Variants in RBFOX1 observed in about 807,000 individuals in gnomAD.
RBFOX1 encodes the protein RNA binding fox-1 homolog 1, also known as RNA binding protein fox-1 homolog 1.
A neutral mutation model predicts 57.7 loss-of-function variants in RBFOX1; 8 were observed. The observed-to-expected ratio is 0.14, with a 90% confidence interval of 0.08 to 0.25. RBFOX1 has a LOEUF of 0.25. Among genes scored for constraint, RBFOX1 ranks in the 10% least tolerant of loss-of-function variants. RBFOX1 has a pLI of 1.00. For synonymous variants in RBFOX1, 326 were observed against 222.4 expected (o/e 1.47, Z -4.15); for missense variants, 611 against 548.5 (o/e 1.11, Z -1.14).
intron 2 of RBFOX1, among the ~76,000 whole-genome samples, chr16:6,342,447 G>C (rs1252366286): frequency 6.6e-6 from 1 of 152,112 alleles, no homozygotes; most frequent in Non-Finnish European, 1.5e-5. Flanking sequence ...GCTTAGCATA[G>C]ACTAGCCCAT....
At chr16:5,351,648 G>A (rs2065264649) in intron 1 of RBFOX1, among the ~76,000 whole-genome samples, 1 of 152,202 alleles carries the variant, frequency 6.6e-6, no homozygotes, top group South Asian at 2.1e-4. Context: ...CAATGCCTGT[G>A]AGCTTAGGAA....
chr16:7,057,614 C>A (rs1183826060), intron 4 of RBFOX1, among the ~76,000 whole-genome samples: 4 of 152,170 alleles, frequency 2.6e-5, no homozygotes, highest in Non-Finnish European at 4.4e-5. Flanking sequence ...CCAGTTGGAT[C>A]TGTCCAGGGA....
At chr16:5,550,045 G>T (rs576878870) in intron 2 of RBFOX1, among the ~76,000 whole-genome samples, 1 of 152,194 alleles carries the variant, frequency 6.6e-6, no homozygotes, top group Non-Finnish European at 1.5e-5. Flanking sequence ...ACTGTTTCTC[G>T]CAGATGAAAT....
At chr16:6,679,886 T>G (rs1475284115) in intron 3 of RBFOX1, among the ~76,000 whole-genome samples, 35 of 41,660 alleles carry the variant, frequency 8.4e-4, no homozygotes, top group African/African-American at 1.6e-3. Context: ...TTGTTTTTTT[T>G]TTTTTTTTTT....
intron 4 of RBFOX1, among the ~76,000 whole-genome samples, chr16:7,385,025 A>G (rs2148141406): frequency 6.6e-6 from 1 of 152,338 alleles, no homozygotes. Context: ...GAGAAAGAAC[A>G]TTCCAGGAAA....
intron 2 of RBFOX1, among the ~76,000 whole-genome samples, chr16:6,431,545 A>T (rs932225522): frequency 6.6e-6 from 1 of 152,016 alleles, no homozygotes; most frequent in African/African-American, 2.4e-5. Flanking sequence ...CAAGCAGATA[A>T]AACAGGGGCT....
intron 14 of RBFOX1, among the ~76,000 whole-genome samples, chr16:7,687,138 C>G (rs537953016): frequency 3.9e-5 from 6 of 151,998 alleles, no homozygotes; most frequent in South Asian, 2.1e-4. Context: ...GGTTACTTGT[C>G]TGTGTATACC....
intron 4 of RBFOX1, among the ~76,000 whole-genome samples, chr16:7,287,464 T>C (rs1222989254): frequency 6.6e-6 from 1 of 152,164 alleles, no homozygotes; most frequent in African/African-American, 2.4e-5. Flanking sequence ...AGCGAGTAGG[T>C]GCAAGCTGAT....
intron 3 of RBFOX1, among the ~76,000 whole-genome samples, chr16:6,930,450 C>T (rs2076317785): frequency 6.6e-6 from 1 of 152,140 alleles, no homozygotes; most frequent in Non-Finnish European, 1.5e-5. Context: ...CACTCTGTCA[C>T]CCAGGCTGGA....
intron 1 of RBFOX1, among the ~76,000 whole-genome samples, chr16:6,154,548 G>A (rs762353892): frequency 7.2e-5 from 11 of 152,184 alleles, no homozygotes; most frequent in Non-Finnish European, 8.8e-5. Context: ...GGAGCCAGCG[G>A]TGATGAGGAT....
intron 3 of RBFOX1, among the ~76,000 whole-genome samples, chr16:5,832,884 T>C (rs559009755): frequency 3.3e-5 from 5 of 151,960 alleles, no homozygotes; most frequent in Admixed American, 2.6e-4. Context: ...AATGATAAGG[T>C]TAAAGGGTCC....
At chr16:7,610,118 C>CTTTTTTTT (rs34468596) in intron 10 of RBFOX1, among the ~76,000 whole-genome samples, 3 of 65,622 alleles carry the variant, frequency 4.6e-5, no homozygotes, top group African/African-American at 2.4e-4. Flanking sequence ...GCCCGGCCCC[C>CTTTTTTTT]TTTTTTTTTT....
chr16:6,970,354 G>C (rs768879026), intron 3 of RBFOX1, among the ~76,000 whole-genome samples: 39 of 152,148 alleles, frequency 2.6e-4, no homozygotes, highest in Non-Finnish European at 3.8e-4. Flanking sequence ...ACTTAGGTTT[G>C]TCTTTTCTCA....
At chr16:6,729,095 G>T (rs1401465512) in intron 3 of RBFOX1, among the ~76,000 whole-genome samples, 1 of 152,100 alleles carries the variant, frequency 6.6e-6, no homozygotes, top group Non-Finnish European at 1.5e-5. Context: ...AATAGCTTCT[G>T]TTGAAATGGA....
chr16:7,506,388 T>G (rs1329548492), intron 4 of RBFOX1, among the ~76,000 whole-genome samples: 1 of 152,054 alleles, frequency 6.6e-6, no homozygotes, highest in African/African-American at 2.4e-5. Context: ...CCCACCTAGC[T>G]TGAAAAAGAA....
At position 7,145,880 on chromosome 16, in the gene RBFOX1, C is replaced by G. The variant is rs76102437; in HGVS notation, c.27+93782C>G. 4.4e-3 allele frequency among the ~76,000 whole-genome samples: 676 copies of G among 152,234 alleles called. 7 individuals carry two copies. Among genetic ancestry groups the G allele is most frequent in the African/African-American group, 0.016 (646 of 41,552 alleles). ...CTCTTCCTTCATATACAGCCTAGTTCTCTGAGGTTCCCATCCCCTCAAGTC... is the reference window on the plus strand; with the variant it reads ...CTCTTCCTTCATATACAGCCTAGTTGTCTGAGGTTCCCATCCCCTCAAGTC... On this transcript the variant is annotated intron_variant, in intron 4 of 15. Coordinates refer to ENST00000550418, the MANE Select transcript of RBFOX1 (RefSeq NM_018723.4).
chr16:5,487,135 C>T lies in RBFOX1; in HGVS notation c.258+19881C>T, dbSNP rs566052086. On this transcript the variant is annotated intron_variant, in intron 2 of 2. Coordinates refer to the RBFOX1 transcript ENST00000585867. ...CTCCGGGAGTTCTCCAGACAATGTC[C>T]ACCCCCTATTCTGTGCTATCCAAGC... 1.1e-3 allele frequency among the ~76,000 whole-genome samples: 160 copies of T among 152,274 alleles called. 1 individual carries two copies. Among genetic ancestry groups the T allele is most frequent in the African/African-American group, 3.8e-3 (156 of 41,548 alleles).
intron 3 of RBFOX1, among the ~76,000 whole-genome samples, chr16:6,670,027 A>G (rs1399138121): frequency 2.0e-5 from 3 of 152,168 alleles, no homozygotes; most frequent in Admixed American, 1.3e-4. Context: ...CTATCTGTCT[A>G]TCTCTATATA....
chr16:5,867,161 TGTGTGTGTGTGTG>T (rs932915441), intron 3 of RBFOX1: 2 of 411,368 alleles, frequency 4.9e-6, no homozygotes, highest in Non-Finnish European at 8.3e-6. Flanking sequence ...TGTGTGTGTG[TGTGTGTGTGTGTG>T]GTGTGTGTTG....
Sources: allele counts gnomAD v4.1 joint callset (sites outside exome capture counted in the v4.1 genomes callset), GRCh38; gene constraint gnomAD v4.1.1; transcripts MANE v1.5; gene names NCBI Gene and HGNC (gene_info 2026-07-23, HGNC 2026-07-21).